Variants in TAFA5 observed in about 807,000 individuals in gnomAD.
The protein encoded by TAFA5 is TAFA chemokine like family member 5, also known as chemokine-like protein TAFA-5.
A neutral mutation model predicts 15.3 loss-of-function variants in TAFA5; 6 were observed. The ratio of observed to expected loss-of-function variants is 0.39; its 90% confidence interval spans 0.21 to 0.77. The LOEUF (loss-of-function observed/expected upper bound fraction) is 0.77, where lower values mean the gene tolerates loss of function less well. Ranked by LOEUF, TAFA5 falls within the 30% of genes least tolerant of loss-of-function variation. The pLI is 0.41. For synonymous variants in TAFA5, 103 were observed against 80.7 expected, an observed-to-expected ratio of 1.28 and a Z score of -1.48; for missense variants, 161 against 193.1, an observed-to-expected ratio of 0.83 and a Z score of 0.98.
intron 2 of TAFA5, among the ~76,000 whole-genome samples, chr22:48,675,011 G>T (rs9617420): frequency 0.066 from 9,933 of 151,212 alleles, 425 homozygotes; most frequent in Non-Finnish European, 0.094. Context: ...GCGCGATCTC[G>T]GCTCACTGCA....
chr22:48,550,153 G>T lies in TAFA5; in HGVS notation c.112+60449G>T, dbSNP rs1209150303. 1.3e-5 allele frequency among the ~76,000 whole-genome samples: 2 copies of T among 152,226 alleles called. No individual in the cohort carries two copies. Among genetic ancestry groups the T allele is most frequent in the South Asian group, 2.1e-4 (1 of 4,836 alleles). ...GGCATGGGTGTAGCAGCCTGTGTGT[G>T]TCCACCCGAGGTGGCCCTGCCCTGT... On this transcript the variant is annotated intron_variant, in intron 1 of 3. Coordinates refer to ENST00000402357, the MANE Select transcript of TAFA5 (RefSeq NM_001082967.3). This position sits in a 1 kb window ranked among gnomAD's most constrained non-coding sequence, Gnocchi z 4.1.
At chr22:48,531,140 G>A (rs1490387621) in intron 1 of TAFA5, among the ~76,000 whole-genome samples, 2 of 151,520 alleles carry the variant, frequency 1.3e-5, no homozygotes, top group Non-Finnish European at 1.5e-5. Context: ...TCCAGGAAGT[G>A]TGGGTCTGCA....
rs1185134901 is a variant in TAFA5, at chr22:48,550,611, C to CGCACTT, written c.112+60909_112+60914dup. Among the ~76,000 whole-genome samples, 2 of 152,144 alleles carry CGCACTT rather than the reference C, an allele frequency of 1.3e-5. No individual in the cohort carries two copies. The highest frequency in any genetic ancestry group is 4.8e-5 in the African/African-American group (2 of 41,442). On this transcript the variant is annotated intron_variant, in intron 1 of 3. Transcript: ENST00000402357. The surrounding 1 kb of genome is among the most constrained non-coding windows in gnomAD (Gnocchi z 4.1). ...GTTCCTAGCAGGTTCCATCGCCTTC[C>CGCACTT]GCACTTGATGCTGCTGGATCCTCCC...
rs560138364 is a variant in TAFA5 at position 48,543,099 on chromosome 22, T to G, written c.112+53395T>G. Reference sequence around the variant, plus strand: ...AGAGAGGGGAGAGTGGTCTGGGGTCTGCATCCACCTGGAGCCCTCCACGTC... The same window carrying G: ...AGAGAGGGGAGAGTGGTCTGGGGTCGGCATCCACCTGGAGCCCTCCACGTC... On this transcript the variant is annotated intron_variant, in intron 1 of 3. Transcript: ENST00000402357. 2.0e-5 allele frequency among the ~76,000 whole-genome samples: 3 copies of G among 152,098 alleles called. No individual in the cohort carries two copies. The South Asian group carries it at 6.2e-4, about 32-fold the overall frequency.
At chr22:48,667,711 G>A (rs1927664471) in intron 2 of TAFA5, among the ~76,000 whole-genome samples, 1 of 151,964 alleles carries the variant, frequency 6.6e-6, no homozygotes, top group Non-Finnish European at 1.5e-5. Context: ...TTTCTGTCAT[G>A]AGCATGGGTC....
chr22:48,665,429 G>A (rs1325488187), intron 2 of TAFA5, among the ~76,000 whole-genome samples: 1 of 152,164 alleles, frequency 6.6e-6, no homozygotes. Flanking sequence ...CAGGTCGTGT[G>A]TTTTGCATTC....
At chr22:48,644,382 C>T (rs1363839039) in intron 1 of TAFA5, among the ~76,000 whole-genome samples, 1 of 152,222 alleles carries the variant, frequency 6.6e-6, no homozygotes, top group African/African-American at 2.4e-5. Context: ...ACTCAGCAGG[C>T]CCTTATGCAC....
At chr22:48,555,144 C>T (rs1311782752) in intron 1 of TAFA5, among the ~76,000 whole-genome samples, 1 of 152,220 alleles carries the variant, frequency 6.6e-6, no homozygotes, top group East Asian at 1.9e-4. Flanking sequence ...TAGCAAACAG[C>T]CCAGGGCCTG....
intron 2 of TAFA5, among the ~76,000 whole-genome samples, chr22:48,706,367 C>CGAGGAAGGG (rs1470126766): frequency 2.6e-5 from 4 of 152,174 alleles, no homozygotes; most frequent in Non-Finnish European, 5.9e-5. Context: ...TGTGAGTGGG[C>CGAGGAAGGG]GAGGAAGGGG....
rs1372934998 is a variant in TAFA5, at chr22:48,552,644, C to T, written c.112+62940C>T. Among the ~76,000 whole-genome samples, 1 of 152,196 alleles carries T rather than the reference C, an allele frequency of 6.6e-6. No homozygotes were observed. Among genetic ancestry groups the T allele is most frequent in the Non-Finnish European group, 1.5e-5 (1 of 68,020 alleles). ...GAGTTGCGGGCAGGGTGGGAGACCC[C>T]TTCCAGAGGGGCCCCTGTAGATTAG... On this transcript the variant is annotated intron_variant, in intron 1 of 3. Transcript: ENST00000402357. The surrounding 1 kb of genome is among the most constrained non-coding windows in gnomAD (Gnocchi z 4.1).
intron 1 of TAFA5, among the ~76,000 whole-genome samples, chr22:48,511,608 G>A (rs1057393513): frequency 3.9e-5 from 6 of 152,294 alleles, no homozygotes; most frequent in South Asian, 2.1e-4. Flanking sequence ...AGACAGAGGC[G>A]TCTGCTGTGC....
At chr22:48,515,052 C>T (rs1468709200) in intron 1 of TAFA5, among the ~76,000 whole-genome samples, 1 of 152,222 alleles carries the variant, frequency 6.6e-6, no homozygotes, top group African/African-American at 2.4e-5. Flanking sequence ...TAAGCAGGTG[C>T]AGAGCTGGCG....
At chr22:48,685,931 G>A (rs979619143) in intron 2 of TAFA5, among the ~76,000 whole-genome samples, 5 of 146,682 alleles carry the variant, frequency 3.4e-5, no homozygotes, top group South Asian at 2.1e-4. Context: ...CGTGCGCCCC[G>A]GGAGTACACA....
intron 1 of TAFA5, chr22:48,544,379 G>A: frequency 3.0e-6 from 1 of 337,302 alleles, no homozygotes; most frequent in Non-Finnish European, 5.9e-6. Context: ...CTTGGGGGCA[G>A]TTCAGGCTCT....
rs5768705 is a variant in TAFA5 at position 48,533,161 on chromosome 22, T to G, written c.112+43457T>G. The stretch of plus-strand genomic sequence containing the variant: ...CCTGCTGCCGCCCAGCCTGATGGAG[T>G]GGCCGGGGTCTGAGGAGGTGGCCCT... On this transcript the variant is annotated intron_variant, in intron 1 of 3. Transcript: ENST00000402357. Among the ~76,000 whole-genome samples, 2,796 of 151,824 alleles carry G rather than the reference T, an allele frequency of 0.018. 129 individuals are homozygous for G. The East Asian group carries it at 0.19, about 10-fold the overall frequency.
chr22:48,572,234 T>C (rs998554658), intron 1 of TAFA5, among the ~76,000 whole-genome samples: 2 of 152,204 alleles, frequency 1.3e-5, no homozygotes, highest in African/African-American at 2.4e-5. Flanking sequence ...GTCCTGTCTG[T>C]ATAGGAATAA....
At chr22:48,745,479 C>T (rs867831154) in intron 3 of TAFA5, among the ~76,000 whole-genome samples, 7 of 150,500 alleles carry the variant, frequency 4.7e-5, no homozygotes, top group African/African-American at 1.7e-4. Context: ...TTGTCGTTGG[C>T]GGCTGGCCTG....
intron 2 of TAFA5, among the ~76,000 whole-genome samples, chr22:48,707,276 G>T (rs1031828926): frequency 1.3e-5 from 2 of 152,158 alleles, no homozygotes; most frequent in African/African-American, 4.8e-5. Context: ...CCAAGCCTGG[G>T]CCCCCTTGTT....
chr22:48,579,917 C>T (rs1412586519), intron 1 of TAFA5, among the ~76,000 whole-genome samples: 1 of 152,210 alleles, frequency 6.6e-6, no homozygotes, highest in African/African-American at 2.4e-5. Context: ...GAACCCAGTG[C>T]CTCTTTCCTT....
Sources: allele counts gnomAD v4.1 joint callset (sites outside exome capture counted in the v4.1 genomes callset), GRCh38; gene constraint gnomAD v4.1.1; non-coding constraint Gnocchi (gnomAD v3.1); transcripts MANE v1.5; gene names NCBI Gene and HGNC (gene_info 2026-07-23, HGNC 2026-07-21).